Variants in NIN observed in about 807,000 individuals in gnomAD.
NIN encodes ninein, also known as glycogen synthase kinase 3 beta-interacting protein.
In NIN, 137 loss-of-function variants were observed where a neutral mutation model predicts 257.6. The ratio of observed to expected loss-of-function variants is 0.53; its 90% CI spans 0.46 to 0.61. The LOEUF is 0.61. NIN is among the 20% of genes least tolerant of loss of function. The probability of loss-of-function intolerance (pLI) is 0.00; values close to 1 mark genes in which losing one functional copy is unlikely to be tolerated. For missense variants in NIN, 2,439 were observed against 2,501.2 expected (o/e 0.98, Z 0.53); for synonymous variants, 918 against 919.8 (o/e 1.00, Z 0.04).
chr14:50,749,411 C>A (rs568552894), intron 21 of NIN, among the ~76,000 whole-genome samples: 3 of 152,184 alleles, frequency 2.0e-5, no homozygotes, highest in Non-Finnish European at 4.4e-5. Context: ...GCAAGGACTT[C>A]ATGATTTCTA....
intron 3 of NIN, among the ~76,000 whole-genome samples, chr14:50,818,318 C>CAA (rs5808573): frequency 0.014 from 1,112 of 81,622 alleles, 26 homozygotes; most frequent in African/African-American, 0.047. Flanking sequence ...GAGACTCTGT[C>CAA]AAAAAAAAAA....
intron 22 of NIN, among the ~76,000 whole-genome samples, chr14:50,746,751 G>A (rs2041561309): frequency 6.6e-6 from 1 of 152,128 alleles, no homozygotes; most frequent in Non-Finnish European, 1.5e-5. Context: ...ACAGGACAAT[G>A]TTTAGGATGC....
intron 28 of NIN, among the ~76,000 whole-genome samples, chr14:50,733,982 T>TA (rs1453208019): frequency 2.0e-5 from 3 of 152,210 alleles, no homozygotes; most frequent in Admixed American, 6.5e-5. Context: ...TATTTCACAT[T>TA]AAAAATCAAT....
chr14:50,766,975 T>A, intron 12 of NIN, 85 bp from the exon 13 acceptor site: 1 of 849,472 alleles, frequency 1.2e-6, no homozygotes, highest in Non-Finnish European at 1.9e-6. Flanking sequence ...CATAAATCAG[T>A]ACCGTAGATT....
In NIN at chr14:50,756,844, C is replaced by T; in HGVS notation, c.4186G>A (p.Gly1396Arg). The change falls in exon 18 of 31, where the codon GGG becomes AGG. Residue 1396 changes from glycine (G) to arginine (R), a missense_variant. Gly to Arg is a moderately radical substitution (Grantham distance 125, BLOSUM62 -2). Coordinates refer to ENST00000530997, the MANE Select transcript of NIN (RefSeq NM_020921.4). ...ECKQENQYLE[G>R]NTQLLEKVKA... ...ACTTTTTCCAAGAGCTGTGTGTTCC[C>T]CTCAAGGTACTGGTTTTCTTGCTTA... 1 of 1,551,850 alleles carries T rather than the reference C, an allele frequency of 6.4e-7. No individual in the cohort carries two copies.
chr14:50,729,254 TG>T (rs2040567950), intron 29 of NIN, among the ~76,000 whole-genome samples: 1 of 142,392 alleles, frequency 7.0e-6, no homozygotes, highest in Admixed American at 6.9e-5. Flanking sequence ...ATTGTGATTT[TG>T]TTTTTTTTTT....
intron 5 of NIN, among the ~76,000 whole-genome samples, chr14:50,786,759 A>G (rs2043365467): frequency 6.6e-6 from 1 of 152,254 alleles, no homozygotes; most frequent in Non-Finnish European, 1.5e-5. Flanking sequence ...ACAGGAAAAT[A>G]GGTGCATTTC....
chr14:50,746,956 A>T (rs2041574337), intron 22 of NIN, among the ~76,000 whole-genome samples: 1 of 152,048 alleles, frequency 6.6e-6, no homozygotes, highest in Admixed American at 6.6e-5. Context: ...TGACTTCCCG[A>T]GCTCAGGTGA....
chr14:50,791,456 T>C (rs953358005), intron 5 of NIN, among the ~76,000 whole-genome samples: 8 of 152,096 alleles, frequency 5.3e-5, no homozygotes, highest in African/African-American at 1.9e-4. Flanking sequence ...GGTTTTTTTT[T>C]TCTCTCTTCT....
Position 50,757,777 on chromosome 14 carries a change from C to G in NIN, c.3253G>C (p.Ala1085Pro). Reference protein sequence around the residue: ...EQAVKENVKMATEISRLQQRL... With the variant: ...EQAVKENVKMPTEISRLQQRL... The stretch of plus-strand genomic sequence containing the variant: ...TGTTGCAATCTAGAAATTTCAGTAG[C>G]CATTTTCACATTTTCCTTCACTGCC... Residue 1085 changes from alanine to proline, a missense_variant, in exon 18 of 31, where the codon GCT becomes CCT. By Grantham distance (27) the Ala-to-Pro change is conservative. This residue lies in a region of NIN where 2,043 missense variants were observed against 2,050.2 expected (regional missense o/e 1.00). Coordinates refer to ENST00000530997, the MANE Select transcript of NIN (RefSeq NM_020921.4). The G allele has an allele frequency of 6.2e-7, 1 of 1,614,160 alleles. No homozygotes were observed.
intron 4 of NIN, among the ~76,000 whole-genome samples, chr14:50,798,208 G>T (rs2043929685): frequency 6.6e-6 from 1 of 152,124 alleles, no homozygotes; most frequent in South Asian, 2.1e-4. Context: ...TCTCTCTCCT[G>T]GAACCTCCAC....
At chr14:50,745,852 A>G (rs1461960450) in intron 22 of NIN, among the ~76,000 whole-genome samples, 5 of 152,122 alleles carry the variant, frequency 3.3e-5, no homozygotes, top group African/African-American at 1.2e-4. Context: ...TGAACTATGA[A>G]TCACGATATC....
At chr14:50,798,033 G>A (rs569952715) in intron 4 of NIN, among the ~76,000 whole-genome samples, 223 of 152,184 alleles carry the variant, frequency 1.5e-3, no homozygotes, top group Middle Eastern at 3.4e-3. Context: ...GGCCAAGAAA[G>A]GTTAAACATT....
intron 29 of NIN, chr14:50,727,840 C>A (rs1273541582): frequency 1.7e-6 from 2 of 1,203,548 alleles, no homozygotes; most frequent in Non-Finnish European, 2.3e-6. Context: ...ACAATGCAAA[C>A]AATTTTTAAA....
At chr14:50,755,648 CTTTTT>C (rs71118900) in intron 18 of NIN, among the ~76,000 whole-genome samples, 1 of 79,992 alleles carries the variant, frequency 1.3e-5, no homozygotes, top group Admixed American at 1.3e-4. Context: ...TGTTTTGTCT[CTTTTT>C]TTTTTTTTTT....
Position 50,721,450 on chromosome 14 carries a change from A to T in NIN, c.*2013T>A, listed in dbSNP as rs1020604077. ...AGCTATCTGGGAAATATTATTGTTC[A>T]GTTCCAACAGCAATAACTTTGAGTA... On this transcript the variant is annotated 3_prime_UTR_variant, in exon 31 of 31. Transcript: ENST00000530997. 1 of 216,926 alleles carries T rather than the reference A, an allele frequency of 4.6e-6. No individual in the cohort carries two copies. The highest frequency in any genetic ancestry group is 9.3e-6 in the Non-Finnish European group (1 of 107,690). The allele number at this position is 216,926 out of a possible 1,614,324, so 13.4% of individuals were successfully genotyped here.
intron 5 of NIN, among the ~76,000 whole-genome samples, chr14:50,783,848 T>A (rs2043234341): frequency 6.6e-6 from 1 of 152,096 alleles, no homozygotes; most frequent in Admixed American, 6.5e-5. Context: ...GTCCTTTAAT[T>A]GCTGATGACT....
intron 21 of NIN, among the ~76,000 whole-genome samples, chr14:50,751,682 A>T (rs1277963977): frequency 6.6e-6 from 1 of 152,134 alleles, no homozygotes; most frequent in Non-Finnish European, 1.5e-5. Flanking sequence ...GTGTGCCACT[A>T]CACCCAGCCA....
chr14:50,761,849 G>A lies in NIN; in HGVS notation c.1837C>T (p.Gln613Ter). 6.2e-7 allele frequency: 1 copy of A among 1,614,114 alleles called. No homozygotes were observed. Among genetic ancestry groups the A allele is most frequent in the Non-Finnish European group, 8.5e-7 (1 of 1,179,998 alleles). The change falls in exon 16 of 31, where the codon CAG becomes TAG. Residue 613 changes from glutamine to a stop codon, truncating the protein, a stop_gained. Coordinates refer to ENST00000530997, the MANE Select transcript of NIN (RefSeq NM_020921.4). LOFTEE classifies it high-confidence loss of function. ...TCCCTGTGATGTTGTTCTTTCATCT[G>A]TTCAATGACCAGCTCTGCCTCAATG... ...MSIEAELVIE[Q>*]MKEQHHRDIC... is the part of the protein sequence containing the mutation.
Sources: gnomAD v4.1 joint callset for allele counts (sites outside exome capture counted in the v4.1 genomes callset) on GRCh38, gnomAD v4.1.1 for gene constraint, gnomAD v4.1.1 regional missense constraint, MANE v1.5 for transcripts, NCBI Gene and HGNC (gene_info 2026-07-23, HGNC 2026-07-21) for gene names.